The following MSI2 variants were observed in gnomAD, a reference collection of about 807,000 sequenced individuals.
MSI2 encodes RNA-binding protein Musashi homolog 2.
Under a neutral mutation model 45.6 loss-of-function variants are expected in MSI2, and 17 were observed. The ratio of observed to expected loss-of-function variants is 0.37; its 90% confidence interval spans 0.26 to 0.56. MSI2 has a LOEUF of 0.56. Among genes scored for constraint, MSI2 ranks in the 20% least tolerant of loss-of-function variants. The probability of loss-of-function intolerance (pLI) is 0.77; values close to 1 mark genes in which losing one functional copy is unlikely to be tolerated. For missense variants in MSI2, 293 were observed against 444.2 expected (o/e 0.66, Z 3.06); for synonymous variants, 156 against 158.2 (o/e 0.99, Z 0.11).
At chr17:57,523,340 G>A (rs145194525) in intron 6 of MSI2, among the ~76,000 whole-genome samples, 16 of 152,286 alleles carry the variant, frequency 1.1e-4, no homozygotes, top group South Asian at 6.2e-4. Flanking sequence ...GAGCCACCAC[G>A]CCCGGCCTGC....
intron 6 of MSI2, among the ~76,000 whole-genome samples, chr17:57,508,631 A>T (rs1008586851): frequency 2.0e-5 from 3 of 152,162 alleles, no homozygotes; most frequent in Non-Finnish European, 4.4e-5. Flanking sequence ...CAAAGCCTAT[A>T]GTTTGCCCCC....
At chr17:57,536,288 T>C (rs1416555229) in intron 7 of MSI2, among the ~76,000 whole-genome samples, 2 of 152,210 alleles carry the variant, frequency 1.3e-5, no homozygotes, top group African/African-American at 4.8e-5. Context: ...TACATGTGAC[T>C]TTGTAGGATG....
rs1248759681 is a variant in MSI2 at position 57,492,044 on chromosome 17, GA to G, written c.406-37625del. Among the ~76,000 whole-genome samples, 3 of 152,088 alleles carry G rather than the reference GA, an allele frequency of 2.0e-5. No individual in the cohort carries two copies. The East Asian group carries it at 5.8e-4, about 29-fold the overall frequency. On this transcript the variant is annotated intron_variant, in intron 6 of 13. Coordinates refer to ENST00000284073, the MANE Select transcript of MSI2 (RefSeq NM_138962.4). ...TCTATCTTTCTTTTTTTGTTTAAAA[GA>G]AAAAAACAGATTTGCTGCCTGGAGT...
intron 5 of MSI2, among the ~76,000 whole-genome samples, chr17:57,395,747 C>T (rs1240200629): frequency 1.3e-5 from 2 of 152,168 alleles, no homozygotes; most frequent in Non-Finnish European, 2.9e-5. Context: ...GCCACATTGG[C>T]AGATACATAG....
At chr17:57,354,117 A>G (rs923715649) in intron 5 of MSI2, among the ~76,000 whole-genome samples, 5 of 152,166 alleles carry the variant, frequency 3.3e-5, no homozygotes, top group Non-Finnish European at 5.9e-5. Flanking sequence ...TTGGAGTACA[A>G]AGTTACTGTT....
chr17:57,507,692 T>C (rs775736302), intron 6 of MSI2, among the ~76,000 whole-genome samples: 4 of 152,060 alleles, frequency 2.6e-5, no homozygotes, highest in Non-Finnish European at 5.9e-5. Flanking sequence ...AGAAAATATT[T>C]CAAGTCTTAG....
intron 5 of MSI2, chr17:57,279,817 T>A (rs1218998100): frequency 1.3e-5 from 2 of 152,118 alleles, no homozygotes; most frequent in African/African-American, 2.4e-5. Context: ...GCTAGTTTTT[T>A]AAATTTTTTG....
chr17:57,330,213 A>T (rs1914126769), intron 5 of MSI2, among the ~76,000 whole-genome samples: 2 of 151,402 alleles, frequency 1.3e-5, no homozygotes, highest in African/African-American at 4.9e-5. Context: ...TGTTCAGTAC[A>T]CTGTGCCTGT....
At chr17:57,396,306 A>G (rs554162533) in intron 5 of MSI2, among the ~76,000 whole-genome samples, 1 of 151,982 alleles carries the variant, frequency 6.6e-6, no homozygotes, top group South Asian at 2.1e-4. Flanking sequence ...TGCTGTTGGA[A>G]TTAAGTTTTC....
At chr17:57,475,505 G>T (rs186029714) in intron 6 of MSI2, among the ~76,000 whole-genome samples, 7 of 152,186 alleles carry the variant, frequency 4.6e-5, no homozygotes, top group African/African-American at 1.4e-4. Flanking sequence ...TTATCTGAGG[G>T]TCTGCATGCA....
intron 7 of MSI2, among the ~76,000 whole-genome samples, chr17:57,554,137 GGCTGGTAAAC>G (rs1474040343): frequency 2.0e-5 from 3 of 151,994 alleles, no homozygotes; most frequent in African/African-American, 4.8e-5. Context: ...AGCTTGGAAA[GGCTGGTAAAC>G]GCTGCTTTGT....
chr17:57,374,909 G>A (rs777907660), intron 5 of MSI2, among the ~76,000 whole-genome samples: 1 of 152,164 alleles, frequency 6.6e-6, no homozygotes, highest in Non-Finnish European at 1.5e-5. Context: ...AGTCTTGCCT[G>A]CTATGGGAAT....
intron 10 of MSI2, among the ~76,000 whole-genome samples, chr17:57,645,503 T>G (rs1231038544): frequency 6.6e-6 from 1 of 151,898 alleles, no homozygotes; most frequent in Non-Finnish European, 1.5e-5. Context: ...TGGCGCAATG[T>G]TGGCTCACTG....
At chr17:57,513,665 G>A (rs1031226043) in intron 6 of MSI2, among the ~76,000 whole-genome samples, 1 of 152,194 alleles carries the variant, frequency 6.6e-6, no homozygotes, top group East Asian at 1.9e-4. Flanking sequence ...GGGCGGAGGG[G>A]CTCCTTCACT....
rs551952237 is a variant in MSI2 at position 57,484,065 on chromosome 17, G to A, written c.406-45611G>A. Reference sequence around the variant, plus strand: ...TTTCCCAAGGTCTCTCATACTGGGTGGCAGGGATGGAATTTGAACCCAGGT... The same window carrying A: ...TTTCCCAAGGTCTCTCATACTGGGTAGCAGGGATGGAATTTGAACCCAGGT... On this transcript the variant is annotated intron_variant, in intron 6 of 13. Coordinates refer to ENST00000284073, the MANE Select transcript of MSI2 (RefSeq NM_138962.4). Among the ~76,000 whole-genome samples, 10 of 152,316 alleles carry A rather than the reference G, an allele frequency of 6.6e-5. No homozygotes were observed. In the South Asian group the frequency reaches 2.1e-3, roughly 32 times the overall value.
At chr17:57,550,177 T>A (rs1359218423) in intron 7 of MSI2, among the ~76,000 whole-genome samples, 1 of 152,104 alleles carries the variant, frequency 6.6e-6, no homozygotes, top group Non-Finnish European at 1.5e-5. Flanking sequence ...GTGCTATCAG[T>A]GCATGGGAGA....
intron 7 of MSI2, among the ~76,000 whole-genome samples, chr17:57,583,713 A>G (rs1034057057): frequency 3.9e-5 from 6 of 152,130 alleles, no homozygotes; most frequent in African/African-American, 1.2e-4. Context: ...AGCTAGAGCA[A>G]TCTGCCTGCC....
At chr17:57,541,943 C>T (rs1489139415) in intron 7 of MSI2, among the ~76,000 whole-genome samples, 1 of 152,050 alleles carries the variant, frequency 6.6e-6, no homozygotes, top group African/African-American at 2.4e-5. Context: ...GCAAAGCTGG[C>T]GCCTCTGCAC....
the MSI2 span, among the ~76,000 whole-genome samples, chr17:57,695,546 G>A: frequency 6.6e-6 from 1 of 152,230 alleles, no homozygotes; most frequent in African/African-American, 2.4e-5. Context: ...CAGCCTGGAG[G>A]TTCCTGCCCT....
Sources: allele counts gnomAD v4.1 joint callset (sites outside exome capture counted in the v4.1 genomes callset), GRCh38; gene constraint gnomAD v4.1.1; transcripts MANE v1.5; gene names NCBI Gene and HGNC (gene_info 2026-07-23, HGNC 2026-07-21).